The following MAP2K5 variants were observed in gnomAD, a reference collection of about 807,000 sequenced individuals.
MAP2K5 encodes the protein mitogen-activated protein kinase kinase 5.
MAP2K5 carries 49 observed loss-of-function variants against 83.1 expected under a neutral mutation model. The ratio of observed to expected loss-of-function variants is 0.59; its 90% CI spans 0.47 to 0.75. The LOEUF is 0.75. Among genes scored for constraint, MAP2K5 ranks in the 30% least tolerant of loss-of-function variants. The pLI is 0.00. For synonymous variants in MAP2K5, 202 were observed against 191.8 expected (o/e 1.05, Z -0.44); for missense variants, 457 against 557.5 (o/e 0.82, Z 1.82).
At position 67,755,561 on chromosome 15, in the gene MAP2K5, G is replaced by T. The variant is rs1222240312; in HGVS notation, c.1134+6960G>T. Among the ~76,000 whole-genome samples, 1 of 152,164 alleles carries T rather than the reference G, an allele frequency of 6.6e-6. No homozygotes were observed. The highest frequency in any genetic ancestry group is 2.4e-5 in the African/African-American group (1 of 41,450). ...CTAGCATTTCTAGAAAGCATCAGGG[G>T]AGCCATGTCCAAGTGAAGAGTCCAT... On this transcript the variant is annotated intron_variant, in intron 19 of 21. Transcript: ENST00000178640. This position sits in a 1 kb window ranked among gnomAD's most constrained non-coding sequence, Gnocchi z 4.7.
intron 4 of MAP2K5, among the ~76,000 whole-genome samples, chr15:67,585,282 C>G (rs1026870933): frequency 1.3e-5 from 2 of 152,108 alleles, no homozygotes; most frequent in African/African-American, 2.4e-5. Flanking sequence ...AAGATGGTGT[C>G]AGGAAATTAA....
chr15:67,634,835 G>C (rs1200814421), intron 9 of MAP2K5, among the ~76,000 whole-genome samples: 1 of 151,966 alleles, frequency 6.6e-6, no homozygotes, highest in African/African-American at 2.4e-5. Context: ...GCATACAGTT[G>C]GGTCTTATTT....
At chr15:67,600,546 G>A (rs1313917485) in intron 7 of MAP2K5, 139 bp from the exon 8 acceptor site, 16 of 648,310 alleles carry the variant, frequency 2.5e-5, no homozygotes, top group East Asian at 2.0e-4. Context: ...GACAGCAAAC[G>A]TTGTATTGAT....
rs2087681078 is a variant in MAP2K5, at chr15:67,676,233, C to T, written c.847+11588C>T. ...GCTTATCAGAGGGAGAGAGAGAGCACCTGTATGATGAATGACAGGGTCATT... is the reference window on the plus strand; with the variant it reads ...GCTTATCAGAGGGAGAGAGAGAGCATCTGTATGATGAATGACAGGGTCATT... On this transcript the variant is annotated intron_variant, in intron 13 of 21. Coordinates refer to ENST00000178640, the MANE Select transcript of MAP2K5 (RefSeq NM_145160.3). This position sits in a 1 kb window ranked among gnomAD's most constrained non-coding sequence, Gnocchi z 4.8. 6.6e-6 allele frequency among the ~76,000 whole-genome samples: 1 copy of T among 152,080 alleles called. No homozygotes were observed. Among genetic ancestry groups the T allele is most frequent in the African/African-American group, 2.4e-5 (1 of 41,406 alleles).
At position 67,664,607 on chromosome 15, in the gene MAP2K5, G is replaced by T. The variant is rs202194867; in HGVS notation, c.809G>T (p.Gly270Val). Residue 270 changes from glycine (G) to valine (V), a missense_variant, in exon 13 of 22, where the codon GGC (glycine) becomes GTC (valine). Physicochemically the swap from Gly to Val is moderately radical, Grantham distance 109. Coordinates refer to ENST00000178640, the MANE Select transcript of MAP2K5 (RefSeq NM_145160.3). ...LGRIAVAVVK[G>V]LTYLWSLKIL... ...TTTTCCTAAATTTAGGTTGTTAAAG[G>T]CCTTACTTATTTGTGGAGTTTAAAG... The T allele has an allele frequency of 1.5e-5, 23 of 1,586,078 alleles. No individual in the cohort carries two copies. The Admixed American group carries it at 2.3e-4, about 16-fold the overall frequency.
chr15:67,784,618 C>A (rs2090385334), intron 21 of MAP2K5, among the ~76,000 whole-genome samples: 1 of 152,210 alleles, frequency 6.6e-6, no homozygotes, highest in Non-Finnish European at 1.5e-5. Context: ...AGACAAAACA[C>A]AAAAGAGGAA....
intron 3 of MAP2K5, among the ~76,000 whole-genome samples, chr15:67,575,304 T>C (rs2085030714): frequency 6.9e-6 from 1 of 145,852 alleles, no homozygotes; most frequent in African/African-American, 2.6e-5. Context: ...AGAGATGGGG[T>C]AATAACCACT....
chr15:67,619,580 A>G (rs1163484508), intron 8 of MAP2K5, among the ~76,000 whole-genome samples: 1 of 152,230 alleles, frequency 6.6e-6, no homozygotes, highest in Non-Finnish European at 1.5e-5. Context: ...AATAAAGTAG[A>G]ACATAACATA....
intron 8 of MAP2K5, among the ~76,000 whole-genome samples, chr15:67,626,998 T>G (rs1337390050): frequency 9.2e-6 from 1 of 108,940 alleles, no homozygotes; most frequent in Non-Finnish European, 2.2e-5. Flanking sequence ...AGTGGTGAGA[T>G]CATAGCTCAC....
intron 11 of MAP2K5, among the ~76,000 whole-genome samples, chr15:67,657,994 A>T (rs1023385603): frequency 3.3e-5 from 5 of 152,110 alleles, no homozygotes; most frequent in Non-Finnish European, 5.9e-5. Flanking sequence ...TATTTGTCAA[A>T]TACTCTGGAA....
rs2141271829 is a variant in MAP2K5, at chr15:67,746,634, C to G, written c.1075-1597C>G. Reference sequence around the variant, plus strand: ...TAAATCTTTACCTGCAGAATCTTGTCTGGAAATACTCATGGACTGGAGAAA... The same window carrying G: ...TAAATCTTTACCTGCAGAATCTTGTGTGGAAATACTCATGGACTGGAGAAA... On this transcript the variant is annotated intron_variant, in intron 17 of 21. Coordinates refer to ENST00000178640, the MANE Select transcript of MAP2K5 (RefSeq NM_145160.3). This position sits in a 1 kb window ranked among gnomAD's most constrained non-coding sequence, Gnocchi z 4.1. Among the ~76,000 whole-genome samples the G allele has an allele frequency of 6.6e-6, 1 of 152,188 alleles. No homozygotes were observed. Among genetic ancestry groups the G allele is most frequent in the East Asian group, 1.9e-4 (1 of 5,178 alleles).
chr15:67,722,758 C>A lies in MAP2K5; in HGVS notation c.1045-5158C>A, dbSNP rs2088993207. Among the ~76,000 whole-genome samples the A allele has an allele frequency of 6.6e-6, 1 of 152,084 alleles. No individual in the cohort carries two copies. Among genetic ancestry groups the A allele is most frequent in the South Asian group, 2.1e-4 (1 of 4,830 alleles). ...TCTGAGTGTTCCAAAGTGGCTGCTG[C>A]ATTTCTATAAAATGAAGATTTAACT... On this transcript the variant is annotated intron_variant, in intron 16 of 21. Transcript: ENST00000178640. The surrounding 1 kb of genome is among the most constrained non-coding windows in gnomAD (Gnocchi z 4.2).
At chr15:67,744,252 A>G (rs1288831228) in intron 17 of MAP2K5, among the ~76,000 whole-genome samples, 2 of 152,246 alleles carry the variant, frequency 1.3e-5, no homozygotes, top group Non-Finnish European at 2.9e-5. Context: ...CACAGCTCCT[A>G]AAATTTGAAG....
intron 7 of MAP2K5, among the ~76,000 whole-genome samples, chr15:67,593,687 C>T (rs1567297147): frequency 6.6e-6 from 1 of 152,212 alleles, no homozygotes; most frequent in South Asian, 2.1e-4. Context: ...TGGAGGCAGG[C>T]GCCTGTCCAT....
At chr15:67,656,743 C>A (rs945206545) in intron 11 of MAP2K5, among the ~76,000 whole-genome samples, 2 of 152,114 alleles carry the variant, frequency 1.3e-5, no homozygotes, top group African/African-American at 4.8e-5. Flanking sequence ...CTGTTTTTCC[C>A]ACCTGTCAAG....
chr15:67,657,413 G>A (rs1438608750), intron 11 of MAP2K5, among the ~76,000 whole-genome samples: 2 of 151,940 alleles, frequency 1.3e-5, no homozygotes, highest in African/African-American at 4.8e-5. Flanking sequence ...TTTTTATTCT[G>A]TTTATCCTTG....
At chr15:67,642,434 C>T in intron 9 of MAP2K5, 1 of 1,611,028 alleles carries the variant, frequency 6.2e-7, no homozygotes, top group South Asian at 1.1e-5. Flanking sequence ...GGGATGCATG[C>T]TCAAGGCAGA....
chr15:67,588,738 C>T (rs1218264185), intron 6 of MAP2K5, among the ~76,000 whole-genome samples: 1 of 152,182 alleles, frequency 6.6e-6, no homozygotes, highest in Non-Finnish European at 1.5e-5. Context: ...CTTTTCTCTT[C>T]TTTGGATATC....
rs886213729 is a variant in MAP2K5 at position 67,658,425 on chromosome 15, T to C, written c.737-128T>C. ...TAGATAACATTGGACTAAAAAGTTT[T>C]ATACTACACATCCAATGCATGCTGT... is the stretch of plus-strand genomic sequence containing the variant. On this transcript the variant is annotated intron_variant, in intron 11 of 21. Transcript: ENST00000178640. 1.0e-5 allele frequency: 7 copies of C among 685,926 alleles called. No homozygotes were observed. In the African/African-American group the frequency reaches 1.3e-4, roughly 12 times the overall value. The allele number at this position is 685,926 out of a possible 1,614,324, so 42.5% of individuals were successfully genotyped here. A position where few individuals can be genotyped will look rare whatever the true frequency, so the allele number is the denominator to read the frequency against.
Sources: allele counts gnomAD v4.1 joint callset (sites outside exome capture counted in the v4.1 genomes callset), GRCh38; gene constraint gnomAD v4.1.1; non-coding constraint Gnocchi (gnomAD v3.1); transcripts MANE v1.5; gene names NCBI Gene and HGNC (gene_info 2026-07-23, HGNC 2026-07-21).